Variants in SHANK2 observed in about 807,000 individuals in gnomAD.
The protein encoded by SHANK2 is SH3 and multiple ankyrin repeat domains protein 2.
SHANK2 carries 43 observed loss-of-function variants against 133.7 expected under a neutral mutation model. The ratio of observed to expected loss-of-function variants is 0.32; its 90% CI spans 0.25 to 0.41. The LOEUF (loss-of-function observed/expected upper bound fraction) is 0.41. SHANK2 is among the 10% of genes least tolerant of loss of function. The pLI is 1.00. For synonymous variants in SHANK2, 1,017 were observed against 952.8 expected, an observed-to-expected ratio of 1.07 and a Z score of -1.24; for missense variants, 1,994 against 2,235.8, an observed-to-expected ratio of 0.89 and a Z score of 2.18.
At chr11:70,877,873 G>A (rs1949593971) in intron 11 of SHANK2, among the ~76,000 whole-genome samples, 1 of 152,222 alleles carries the variant, frequency 6.6e-6, no homozygotes, top group Non-Finnish European at 1.5e-5. Context: ...GGAAAGAACA[G>A]GTCTGAATAG....
Position 71,211,376 on chromosome 11 carries a change from A to G in SHANK2, c.-13+13321T>C, listed in dbSNP as rs1954277684. On this transcript the variant is annotated intron_variant, in intron 2 of 25. Transcript: ENST00000601538. ...CAACATGGAGAAACCCCATCTCTAC[A>G]AAAACATAAAAATTAGCCAGGCATG... Among the ~76,000 whole-genome samples, 2 of 151,752 alleles carry G rather than the reference A, an allele frequency of 1.3e-5. 1 individual carries two copies. The highest frequency in any genetic ancestry group is 4.2e-4 in the South Asian group (2 of 4,810).
intron 2 of SHANK2, among the ~76,000 whole-genome samples, chr11:71,157,299 T>C (rs1555109235): frequency 6.6e-6 from 1 of 152,204 alleles, no homozygotes; most frequent in Non-Finnish European, 1.5e-5. Flanking sequence ...ATGCCTGAAT[T>C]AAAATGATAC....
chr11:70,740,885 T>A (rs1319948239), intron 14 of SHANK2, among the ~76,000 whole-genome samples: 1 of 152,142 alleles, frequency 6.6e-6, no homozygotes, highest in Non-Finnish European at 1.5e-5. Flanking sequence ...TGAGGGAACA[T>A]CCTGAGTACC....
chr11:70,640,918 G>A (rs1184289038), intron 17 of SHANK2, among the ~76,000 whole-genome samples: 4 of 152,194 alleles, frequency 2.6e-5, no homozygotes, highest in Non-Finnish European at 5.9e-5. Context: ...AGAGAGCCTG[G>A]GGACTTAGAG....
At chr11:70,623,949 G>A (rs1450972764) in intron 17 of SHANK2, among the ~76,000 whole-genome samples, 1 of 152,204 alleles carries the variant, frequency 6.6e-6, no homozygotes, top group African/African-American at 2.4e-5. Flanking sequence ...GACCCCACTG[G>A]GGAGCTGGGG....
chr11:70,813,600 A>C (rs553341619), intron 12 of SHANK2, among the ~76,000 whole-genome samples: 1 of 152,216 alleles, frequency 6.6e-6, no homozygotes, highest in Admixed American at 6.5e-5. Flanking sequence ...GCTCACGCAG[A>C]AGATGGCAGT....
intron 6 of SHANK2, among the ~76,000 whole-genome samples, chr11:71,101,139 G>C (rs1379080176): frequency 6.6e-6 from 1 of 152,178 alleles, no homozygotes; most frequent in African/African-American, 2.4e-5. Context: ...AGGCGAGCTG[G>C]AAGTGAAAGT....
intron 14 of SHANK2, among the ~76,000 whole-genome samples, chr11:70,730,105 G>A (rs2134720288): frequency 6.6e-6 from 1 of 152,240 alleles, no homozygotes; most frequent in Non-Finnish European, 1.5e-5. Context: ...GGGCCTTGGA[G>A]AGGAGGAAGT....
intron 17 of SHANK2, among the ~76,000 whole-genome samples, chr11:70,565,964 T>C (rs1335958762): frequency 6.6e-6 from 1 of 152,184 alleles, no homozygotes; most frequent in Non-Finnish European, 1.5e-5. Context: ...CTGGGTAATT[T>C]ATGTAGAAAA....
intron 10 of SHANK2, among the ~76,000 whole-genome samples, chr11:70,919,022 G>T (rs921013211): frequency 9.9e-5 from 15 of 151,896 alleles, no homozygotes; most frequent in African/African-American, 3.6e-4. Context: ...AAATGTACCG[G>T]GTGTGGTGGT....
intron 8 of SHANK2, among the ~76,000 whole-genome samples, chr11:71,090,330 T>G: frequency 1.2e-5 from 1 of 83,996 alleles, no homozygotes; most frequent in African/African-American, 5.2e-5. Flanking sequence ...CAGCCAGGGC[T>G]CTCCAGAGAA....
At chr11:70,548,480 G>A (rs1179786136) in intron 17 of SHANK2, among the ~76,000 whole-genome samples, 1 of 152,216 alleles carries the variant, frequency 6.6e-6, no homozygotes, top group African/African-American at 2.4e-5. Flanking sequence ...TCTCAGGGCA[G>A]CATCTAGAGT....
chr11:70,796,015 C>T (rs782192550), intron 14 of SHANK2, among the ~76,000 whole-genome samples: 48 of 152,122 alleles, frequency 3.2e-4, no homozygotes, highest in Admixed American at 7.9e-4. Flanking sequence ...CTTCTAGAAA[C>T]CTCTGTCTTA....
rs1565516787 is a variant in SHANK2 at position 71,210,248 on chromosome 11, A to ATT, written c.-13+14448_-13+14449insAA. 4.9e-4 allele frequency among the ~76,000 whole-genome samples: 50 copies of ATT among 101,256 alleles called. 1 individual carries two copies. In the East Asian group the frequency reaches 5.3e-3, roughly 11 times the overall value. 66.4% of individuals were successfully genotyped at this position (101,256 alleles called of 152,430 possible). ...TATATATATATATATATATATATAT[A>ATT]TATATTTATTTATTTTTTGAAACAG... On this transcript the variant is annotated intron_variant, in intron 2 of 25. Transcript: ENST00000601538.
intron 11 of SHANK2, among the ~76,000 whole-genome samples, chr11:70,852,160 T>C (rs1403784411): frequency 6.6e-6 from 1 of 152,208 alleles, no homozygotes; most frequent in African/African-American, 2.4e-5. Context: ...GACTCAGACA[T>C]GACACACGGC....
At chr11:70,717,464 C>G (rs1945962916) in intron 14 of SHANK2, among the ~76,000 whole-genome samples, 1 of 152,182 alleles carries the variant, frequency 6.6e-6, no homozygotes, top group Non-Finnish European at 1.5e-5. Context: ...AAATCAGAAG[C>G]AGGCGAAAGC....
intron 17 of SHANK2, among the ~76,000 whole-genome samples, chr11:70,510,993 C>G (rs1272450425): frequency 2.0e-5 from 3 of 152,262 alleles, no homozygotes; most frequent in Admixed American, 2.0e-4. Flanking sequence ...AATAAACAAG[C>G]TTTGGATGAA....
chr11:70,637,206 C>G (rs530877684), intron 17 of SHANK2, among the ~76,000 whole-genome samples: 2 of 152,230 alleles, frequency 1.3e-5, no homozygotes, highest in South Asian at 4.2e-4. Flanking sequence ...GTTATGGAGC[C>G]TGTTGACCCA....
At chr11:70,710,180 C>T (rs1336228227) in intron 14 of SHANK2, among the ~76,000 whole-genome samples, 2 of 152,200 alleles carry the variant, frequency 1.3e-5, no homozygotes, top group African/African-American at 4.8e-5. Flanking sequence ...GAAGACAGGG[C>T]CTTGACCCCT....
Sources: allele counts gnomAD v4.1 joint callset (sites outside exome capture counted in the v4.1 genomes callset), GRCh38; gene constraint gnomAD v4.1.1; transcripts MANE v1.5; gene names NCBI Gene and HGNC (gene_info 2026-07-23, HGNC 2026-07-21).